Variants in MED27 observed in about 807,000 individuals in gnomAD.
MED27 encodes mediator complex subunit 27, also known as mediator of RNA polymerase II transcription subunit 27.
MED27 carries 30 observed loss-of-function variants against 38.2 expected under a neutral mutation model. That is an observed-to-expected ratio of 0.79 (90% CI 0.59 to 1.07). The LOEUF (loss-of-function observed/expected upper bound fraction) is 1.07, where lower values mean the gene tolerates loss of function less well. Ranked by LOEUF, MED27 falls within the 50% of genes least tolerant of loss-of-function variation. The probability of loss-of-function intolerance (pLI) is 0.00; values close to 1 mark genes in which losing one functional copy is unlikely to be tolerated. For synonymous variants in MED27, 122 were observed against 153.5 expected (o/e 0.79, Z 1.52); for missense variants, 289 against 397.5 (o/e 0.73, Z 2.32).
intron 6 of MED27, among the ~76,000 whole-genome samples, chr9:131,875,435 T>C (rs940100431): frequency 2.6e-4 from 40 of 152,056 alleles, no homozygotes; most frequent in Admixed American, 6.6e-5. Context: ...CTCCAGCCTA[T>C]ACCCTGAGCC....
intron 3 of MED27, among the ~76,000 whole-genome samples, chr9:132,010,338 T>C (rs1832458709): frequency 6.6e-6 from 1 of 152,322 alleles, no homozygotes; most frequent in Admixed American, 6.5e-5. Flanking sequence ...TGACATACCA[T>C]CTCACACCAG....
intron 3 of MED27, among the ~76,000 whole-genome samples, chr9:131,998,250 C>T (rs1160043653): frequency 8.8e-5 from 13 of 147,202 alleles, no homozygotes; most frequent in African/African-American, 3.3e-4. Context: ...AAAGCATCAT[C>T]TTAAAAAAAA....
intron 6 of MED27, among the ~76,000 whole-genome samples, chr9:131,863,677 T>C (rs1329982960): frequency 1.4e-5 from 2 of 147,520 alleles, no homozygotes; most frequent in African/African-American, 5.4e-5. Flanking sequence ...ACACAGGATT[T>C]ATGATGGGGA....
At chr9:131,894,682 G>A (rs984319029) in intron 4 of MED27, among the ~76,000 whole-genome samples, 1 of 151,942 alleles carries the variant, frequency 6.6e-6, no homozygotes, top group East Asian at 1.9e-4. Context: ...GGAACCTGCT[G>A]TGCTTGCTGG....
In MED27 at chr9:132,051,571, T is replaced by A. The variant is rs4617289; in HGVS notation, c.348+25871A>T. On this transcript the variant is annotated intron_variant, in intron 2 of 7. Transcript: ENST00000292035. The surrounding 1 kb of genome is among the most constrained non-coding windows in gnomAD (Gnocchi z 4.2). Reference sequence around the variant, plus strand: ...AAAAAAGGGTTAGGTCAAGCACTCATCTACATGGCCCAAGGTTCCTTCCAG... The same window carrying A: ...AAAAAAGGGTTAGGTCAAGCACTCAACTACATGGCCCAAGGTTCCTTCCAG... Among the ~76,000 whole-genome samples, 85,801 of 152,130 alleles carry A rather than the reference T, an allele frequency of 0.56. 26,323 individuals are homozygous for A. Among genetic ancestry groups the A allele is most frequent in the Non-Finnish European group, 0.67 (45,856 of 67,988 alleles).
At chr9:131,934,840 G>C (rs1589220852) in intron 4 of MED27, among the ~76,000 whole-genome samples, 1 of 152,144 alleles carries the variant, frequency 6.6e-6, no homozygotes, top group Admixed American at 6.6e-5. Context: ...AGTGGGTAAA[G>C]AAAATGTGGT....
chr9:131,881,240 A>G (rs1384050969), intron 6 of MED27, among the ~76,000 whole-genome samples: 1 of 152,256 alleles, frequency 6.6e-6, no homozygotes, highest in East Asian at 1.9e-4. Flanking sequence ...AAGGACAGTC[A>G]GCACGGAAAA....
At position 131,972,122 on chromosome 9, in the gene MED27, T is replaced by C. The variant is rs1452157715; in HGVS notation, c.480-32648A>G. The stretch of plus-strand genomic sequence containing the variant: ...AATCGGATTTGTTGTGATTAGAACA[T>C]ACAGGTTTCAAATATGAGAGGTTTG... On this transcript the variant is annotated intron_variant, in intron 3 of 7. Coordinates refer to ENST00000292035, the MANE Select transcript of MED27 (RefSeq NM_004269.4). 2.6e-5 allele frequency among the ~76,000 whole-genome samples: 4 copies of C among 152,344 alleles called. No homozygotes were observed. In the East Asian group the frequency reaches 7.7e-4, roughly 29 times the overall value.
intron 2 of MED27, among the ~76,000 whole-genome samples, chr9:132,057,787 C>T (rs940043038): frequency 2.0e-5 from 3 of 152,130 alleles, no homozygotes; most frequent in Non-Finnish European, 4.4e-5. Flanking sequence ...GTCAATGCCC[C>T]CTCCACTTCC....
intron 5 of MED27, 114 bp downstream of exon 5, chr9:131,893,771 T>A (rs1382265543): frequency 2.8e-6 from 2 of 713,886 alleles, no homozygotes; most frequent in African/African-American, 3.5e-5. Context: ...AATCTATGTT[T>A]GCTGATCATT....
chr9:132,027,113 T>G (rs1271405324), intron 2 of MED27, among the ~76,000 whole-genome samples: 1 of 152,150 alleles, frequency 6.6e-6, no homozygotes, highest in African/African-American at 2.4e-5. Context: ...TAAGTAAACC[T>G]CAAAGTATGG....
At chr9:131,878,012 T>C (rs1383222200) in intron 6 of MED27, among the ~76,000 whole-genome samples, 1 of 152,094 alleles carries the variant, frequency 6.6e-6, no homozygotes, top group Non-Finnish European at 1.5e-5. Flanking sequence ...CGGTGGCTCA[T>C]GCCTATAATC....
At chr9:131,953,654 G>A (rs1168271084) in intron 3 of MED27, among the ~76,000 whole-genome samples, 1 of 151,864 alleles carries the variant, frequency 6.6e-6, no homozygotes, top group Non-Finnish European at 1.5e-5. Flanking sequence ...CTGGCCAAAG[G>A]TTATGGCAAA....
intron 4 of MED27, among the ~76,000 whole-genome samples, chr9:131,937,813 A>G (rs1485834494): frequency 3.4e-5 from 5 of 146,726 alleles, no homozygotes; most frequent in African/African-American, 1.3e-4. Flanking sequence ...CAATTTGTAC[A>G]TTTAACTGAG....
chr9:132,071,786 C>G (rs568643256), intron 2 of MED27, among the ~76,000 whole-genome samples: 1 of 150,860 alleles, frequency 6.6e-6, no homozygotes, highest in South Asian at 2.1e-4. Context: ...CGTCCATGAA[C>G]GAGCACACAT....
intron 2 of MED27, among the ~76,000 whole-genome samples, chr9:132,065,268 T>C (rs555247070): frequency 4.5e-4 from 68 of 152,306 alleles, no homozygotes; most frequent in Non-Finnish European, 7.8e-4. Context: ...TGGCGGGAAC[T>C]ACTGATAAGT....
chr9:132,060,415 T>C (rs1833672161), intron 2 of MED27, among the ~76,000 whole-genome samples: 1 of 152,194 alleles, frequency 6.6e-6, no homozygotes, highest in East Asian at 1.9e-4. Flanking sequence ...AAATTTGATG[T>C]AGGCCAACTC....
intron 3 of MED27, among the ~76,000 whole-genome samples, chr9:131,970,512 C>T (rs1831453690): frequency 6.6e-6 from 1 of 152,226 alleles, no homozygotes; most frequent in South Asian, 2.1e-4. Context: ...CCGAACAGGA[C>T]AGTCCACACC....
At chr9:131,881,025 C>T (rs565385022) in intron 6 of MED27, among the ~76,000 whole-genome samples, 10 of 152,164 alleles carry the variant, frequency 6.6e-5, no homozygotes, top group Admixed American at 5.9e-4. Context: ...TTACAGCCCT[C>T]AAGAAGTCAT....
Sources: allele counts gnomAD v4.1 joint callset (sites outside exome capture counted in the v4.1 genomes callset), GRCh38; gene constraint gnomAD v4.1.1; non-coding constraint Gnocchi (gnomAD v3.1); transcripts MANE v1.5; gene names NCBI Gene and HGNC (gene_info 2026-07-23, HGNC 2026-07-21).